MGAT5: variants seen among roughly 807,000 people sequenced by gnomAD.
MGAT5 encodes the protein alpha-1,6-mannosylglycoprotein 6-beta-N-acetylglucosaminyltransferase A.
A neutral mutation model predicts 94.3 loss-of-function variants in MGAT5; 30 were observed. The observed-to-expected ratio is 0.32, with a 90% CI of 0.24 to 0.43. The LOEUF (loss-of-function observed/expected upper bound fraction) is 0.43. Ranked by LOEUF, MGAT5 falls within the 20% of genes least tolerant of loss-of-function variation. The pLI is 1.00. For synonymous variants in MGAT5, 310 were observed against 322.9 expected (o/e 0.96, Z 0.43); for missense variants, 691 against 905.5 (o/e 0.76, Z 3.04).
chr2:134,241,029 A>C (rs1471607432), intron 1 of MGAT5, among the ~76,000 whole-genome samples: 1 of 152,072 alleles, frequency 6.6e-6, no homozygotes, highest in Admixed American at 6.5e-5. Flanking sequence ...AAAAATTAAA[A>C]TACAGTACCA....
intron 1 of MGAT5, among the ~76,000 whole-genome samples, chr2:134,203,205 A>G (rs925690522): frequency 6.6e-6 from 1 of 152,238 alleles, no homozygotes; most frequent in Non-Finnish European, 1.5e-5. Context: ...GGTTATCCCC[A>G]TAGGTTTTCC....
chr2:134,271,407 TG>T (rs1280567406), intron 2 of MGAT5, among the ~76,000 whole-genome samples: 1 of 152,204 alleles, frequency 6.6e-6, no homozygotes, highest in Non-Finnish European at 1.5e-5. Context: ...TCTATACTTT[TG>T]GTGGGTGGTA....
Position 134,339,333 on chromosome 2 carries a change from G to A in MGAT5, c.807+913G>A, listed in dbSNP as rs142190945. On this transcript the variant is annotated intron_variant, in intron 6 of 15. Coordinates refer to ENST00000281923, the MANE Select transcript of MGAT5 (RefSeq NM_002410.5). ...TAACCTCGAGGATATATTGTTAGGTGAAGAAAAGTAGAGAATAGTTTACAT... is the reference window on the plus strand; with the variant it reads ...TAACCTCGAGGATATATTGTTAGGTAAAGAAAAGTAGAGAATAGTTTACAT... Among the ~76,000 whole-genome samples the A allele has an allele frequency of 1.1e-3, 171 of 152,254 alleles. No homozygotes were observed. In the Middle Eastern group the frequency reaches 0.014, roughly 12 times the overall value.
chr2:134,384,416 G>C (rs902279151), intron 10 of MGAT5, among the ~76,000 whole-genome samples: 1 of 152,066 alleles, frequency 6.6e-6, no homozygotes, highest in African/African-American at 2.4e-5. Context: ...CAGTTTTTCA[G>C]GGTTCTTTCT....
intron 1 of MGAT5, among the ~76,000 whole-genome samples, chr2:134,123,677 G>T (rs1414937674): frequency 1.3e-5 from 2 of 152,210 alleles, no homozygotes; most frequent in African/African-American, 4.8e-5. Context: ...TTCGTATGGT[G>T]AGTTTCAAAG....
chr2:134,428,121 G>A (rs1450630821), intron 13 of MGAT5, among the ~76,000 whole-genome samples: 1 of 152,224 alleles, frequency 6.6e-6, no homozygotes, highest in African/African-American at 2.4e-5. Context: ...GCTTAAAAGA[G>A]GTGAGTTTTT....
Position 134,369,184 on chromosome 2 carries a change from G to T in MGAT5, c.1380+6776G>T, listed in dbSNP as rs560613475. On this transcript the variant is annotated intron_variant, in intron 10 of 15. Coordinates refer to ENST00000281923, the MANE Select transcript of MGAT5 (RefSeq NM_002410.5). Reference sequence around the variant, plus strand: ...TCCCCTAAGTTTAGCTTAAATTACTGATTTATCTGTGGAACTTGGGATACA... The same window carrying T: ...TCCCCTAAGTTTAGCTTAAATTACTTATTTATCTGTGGAACTTGGGATACA... 7.2e-5 allele frequency among the ~76,000 whole-genome samples: 11 copies of T among 152,276 alleles called. No homozygotes were observed. In the South Asian group the frequency reaches 2.3e-3, roughly 32 times the overall value.
intron 1 of MGAT5, among the ~76,000 whole-genome samples, chr2:134,176,049 C>T (rs1688448229): frequency 6.6e-6 from 1 of 152,142 alleles, no homozygotes; most frequent in South Asian, 2.1e-4. Flanking sequence ...CTCAGGATGG[C>T]TTATAGGAAT....
chr2:134,248,564 A>T (rs532330554), intron 1 of MGAT5, among the ~76,000 whole-genome samples: 2 of 152,214 alleles, frequency 1.3e-5, no homozygotes, highest in Non-Finnish European at 2.9e-5. Context: ...AGGTTACTGT[A>T]CAGGATGAAG....
chr2:134,313,445 G>A (rs183067745), intron 2 of MGAT5, among the ~76,000 whole-genome samples: 1 of 152,268 alleles, frequency 6.6e-6, no homozygotes, highest in Non-Finnish European at 1.5e-5. Flanking sequence ...TGCCTTCTGT[G>A]TAGATACCTG....
intron 2 of MGAT5, among the ~76,000 whole-genome samples, chr2:134,295,576 C>T (rs1223461900): frequency 6.6e-6 from 1 of 152,142 alleles, no homozygotes; most frequent in Admixed American, 6.5e-5. Flanking sequence ...CATTCCATTT[C>T]GACTTGTCAC....
chr2:134,201,497 G>A (rs1324469482), intron 1 of MGAT5, among the ~76,000 whole-genome samples: 1 of 152,168 alleles, frequency 6.6e-6, no homozygotes, highest in African/African-American at 2.4e-5. Context: ...TGGGGAGTGA[G>A]TAATTAGATT....
intron 1 of MGAT5, among the ~76,000 whole-genome samples, chr2:134,152,887 G>A (rs899720761): frequency 2.0e-5 from 3 of 150,336 alleles, no homozygotes; most frequent in Non-Finnish European, 4.4e-5. Flanking sequence ...CCCTTTCCAG[G>A]CATGGAGTCC....
intron 1 of MGAT5, among the ~76,000 whole-genome samples, chr2:134,255,959 C>T (rs559438104): frequency 1.2e-4 from 18 of 151,986 alleles, no homozygotes; most frequent in African/African-American, 4.1e-4. Flanking sequence ...TTTATACACA[C>T]GTATGTGTAT....
intron 13 of MGAT5, among the ~76,000 whole-genome samples, chr2:134,426,913 T>C (rs1276332371): frequency 6.6e-6 from 1 of 152,172 alleles, no homozygotes; most frequent in African/African-American, 2.4e-5. Flanking sequence ...TCTGCCATGA[T>C]ATTACAGTAT....
At chr2:134,279,571 C>T (rs556443496) in intron 2 of MGAT5, among the ~76,000 whole-genome samples, 61 of 152,108 alleles carry the variant, frequency 4.0e-4, no homozygotes, top group Non-Finnish European at 8.4e-4. Context: ...ATATCCCTGT[C>T]GGGAATAATG....
At chr2:134,188,118 T>A (rs561911708) in intron 1 of MGAT5, among the ~76,000 whole-genome samples, 1 of 152,386 alleles carries the variant, frequency 6.6e-6, no homozygotes, top group Non-Finnish European at 1.5e-5. Flanking sequence ...AGTGCTGTGT[T>A]CTCAAAATTA....
intron 10 of MGAT5, among the ~76,000 whole-genome samples, chr2:134,380,841 G>C (rs1681493850): frequency 6.6e-6 from 1 of 152,160 alleles, no homozygotes; most frequent in Middle Eastern, 3.2e-3. Flanking sequence ...AGCAGACACT[G>C]TTGTAAGGTT....
chr2:134,410,899 A>T (rs1161950378), intron 11 of MGAT5, among the ~76,000 whole-genome samples: 1 of 152,146 alleles, frequency 6.6e-6, no homozygotes, highest in East Asian at 1.9e-4. Context: ...AGTCAGAAAG[A>T]TCTGGACTCC....
Sources: allele counts gnomAD v4.1 joint callset (sites outside exome capture counted in the v4.1 genomes callset), GRCh38; gene constraint gnomAD v4.1.1; transcripts MANE v1.5; gene names NCBI Gene and HGNC (gene_info 2026-07-23, HGNC 2026-07-21).